NTN1: variants seen among roughly 807,000 people sequenced by gnomAD.
NTN1 encodes netrin-1.
Under a neutral mutation model 54.2 loss-of-function variants are expected in NTN1, and 11 were observed. The ratio of observed to expected loss-of-function variants is 0.20; its 90% confidence interval spans 0.13 to 0.34. NTN1 has a LOEUF of 0.34. Among genes scored for constraint, NTN1 ranks in the 10% least tolerant of loss-of-function variants. NTN1 has a pLI of 1.00. For synonymous variants in NTN1, 371 were observed against 382.0 expected (o/e 0.97, Z 0.33); for missense variants, 740 against 893.1 (o/e 0.83, Z 2.18).
chr17:9,145,345 G>C (rs1453027773), intron 2 of NTN1, among the ~76,000 whole-genome samples: 1 of 152,210 alleles, frequency 6.6e-6, no homozygotes, highest in African/African-American at 2.4e-5. Context: ...AAGACTACCT[G>C]AGGGGAACTA....
chr17:9,088,111 C>T (rs993345638), intron 2 of NTN1, among the ~76,000 whole-genome samples: 3 of 152,206 alleles, frequency 2.0e-5, no homozygotes, highest in African/African-American at 7.2e-5. Context: ...CCCCAGCTCA[C>T]CAAGCTGGCA....
At position 9,186,972 on chromosome 17, in the gene NTN1, G is replaced by A. The variant is rs116341972; in HGVS notation, c.1411+4003G>A. Among the ~76,000 whole-genome samples the A allele has an allele frequency of 1.5e-3, 229 of 152,270 alleles. 1 individual carries two copies. The highest frequency in any genetic ancestry group is 5.3e-3 in the African/African-American group (220 of 41,550). On this transcript the variant is annotated intron_variant, in intron 5 of 6. Coordinates refer to ENST00000173229, the MANE Select transcript of NTN1 (RefSeq NM_004822.3). Reference sequence around the variant, plus strand: ...AAAGGGCACTAAAATGGGCACCTGAGGGCTACTTGATCCCTCTCTCGGATT... The same window carrying A: ...AAAGGGCACTAAAATGGGCACCTGAAGGCTACTTGATCCCTCTCTCGGATT...
chr17:9,197,539 A>G, intron 5 of NTN1, among the ~76,000 whole-genome samples: 1 of 152,000 alleles, frequency 6.6e-6, no homozygotes, highest in East Asian at 1.9e-4. Flanking sequence ...GGGCACCTGT[A>G]GTCCCAGCTA....
At position 9,226,084 on chromosome 17, in the gene NTN1, C is replaced by T. The variant is rs543786987; in HGVS notation, c.1486+4842C>T. Among the ~76,000 whole-genome samples the T allele has an allele frequency of 5.3e-5, 8 of 149,650 alleles. No individual in the cohort carries two copies. The South Asian group carries it at 8.4e-4, about 16-fold the overall frequency. The stretch of plus-strand genomic sequence containing the variant: ...GCGCCGGCCCTGTCCCGTGTTCTCT[C>T]GGGCACACGCTTACAGAGAGCCAGA... On this transcript the variant is annotated intron_variant, in intron 6 of 6. Transcript: ENST00000173229.
intron 2 of NTN1, among the ~76,000 whole-genome samples, chr17:9,035,604 C>T (rs1390903610): frequency 6.6e-6 from 1 of 152,174 alleles, no homozygotes; most frequent in Non-Finnish European, 1.5e-5. Context: ...TTTTTTGAGA[C>T]AAGGTCTCTG....
chr17:9,060,846 C>T (rs978380503), intron 2 of NTN1, among the ~76,000 whole-genome samples: 3 of 151,730 alleles, frequency 2.0e-5, no homozygotes, highest in Non-Finnish European at 2.9e-5. Context: ...CATGGTGGCG[C>T]GTGCCTGTAG....
At chr17:9,149,193 C>T (rs532331955) in intron 2 of NTN1, among the ~76,000 whole-genome samples, 1 of 152,138 alleles carries the variant, frequency 6.6e-6, no homozygotes, top group Admixed American at 6.5e-5. Flanking sequence ...CCTCATATGT[C>T]CATTTCATAA....
chr17:9,058,926 C>T (rs936510596), intron 2 of NTN1, among the ~76,000 whole-genome samples: 3 of 152,236 alleles, frequency 2.0e-5, no homozygotes, highest in Middle Eastern at 3.4e-3. Flanking sequence ...AATCCAGACT[C>T]GGCCACTTCC....
At chr17:9,231,205 C>T (rs926946850) in intron 6 of NTN1, among the ~76,000 whole-genome samples, 1 of 152,180 alleles carries the variant, frequency 6.6e-6, no homozygotes, top group African/African-American at 2.4e-5. Flanking sequence ...CCTGGGTTTC[C>T]TTCCTGAGGC....
intron 2 of NTN1, among the ~76,000 whole-genome samples, chr17:9,077,427 A>G (rs573752447): frequency 6.6e-6 from 1 of 152,210 alleles, no homozygotes; most frequent in East Asian, 1.9e-4. Flanking sequence ...TTGGCTACCA[A>G]TCCAGGCCAT....
chr17:9,193,501 CATT>C (rs1904523335), intron 5 of NTN1, among the ~76,000 whole-genome samples: 1 of 152,212 alleles, frequency 6.6e-6, no homozygotes, highest in African/African-American at 2.4e-5. Context: ...ATCTCAATGT[CATT>C]ATTATACCTC....
chr17:9,129,068 T>C (rs1013675401), intron 2 of NTN1, among the ~76,000 whole-genome samples: 1 of 152,144 alleles, frequency 6.6e-6, no homozygotes, highest in Non-Finnish European at 1.5e-5. Flanking sequence ...GGTAACACTA[T>C]CCAAGGCAGC....
chr17:9,113,595 C>A (rs553091238), intron 2 of NTN1, among the ~76,000 whole-genome samples: 1 of 152,166 alleles, frequency 6.6e-6, no homozygotes, highest in Non-Finnish European at 1.5e-5. Flanking sequence ...CCTCTTATTG[C>A]AGGAAGACAC....
At chr17:9,166,405 A>G (rs189809984) in intron 3 of NTN1, among the ~76,000 whole-genome samples, 1,683 of 141,226 alleles carry the variant, frequency 0.012, 10 homozygotes, top group Middle Eastern at 0.035. Context: ...GCAGTGGTGC[A>G]ATCTCGGCTC....
At chr17:9,103,718 G>T (rs1356427070) in intron 2 of NTN1, among the ~76,000 whole-genome samples, 1 of 152,016 alleles carries the variant, frequency 6.6e-6, no homozygotes, top group Non-Finnish European at 1.5e-5. Context: ...AAAATGGTAG[G>T]AAATTCTCAC....
At chr17:9,007,489 T>C in the NTN1 span, among the ~76,000 whole-genome samples, 1 of 151,372 alleles carries the variant, frequency 6.6e-6, no homozygotes, top group Non-Finnish European at 1.5e-5. Flanking sequence ...ATTCATTCTT[T>C]CTTTCTCTTT....
intron 5 of NTN1, chr17:9,183,177 G>A: frequency 2.9e-6 from 2 of 690,546 alleles, no homozygotes; most frequent in South Asian, 3.2e-5. Flanking sequence ...ATCAAATGGA[G>A]GAGATTTTAA....
chr17:9,132,953 G>T (rs1224242211), intron 2 of NTN1, among the ~76,000 whole-genome samples: 1 of 152,076 alleles, frequency 6.6e-6, no homozygotes, highest in Non-Finnish European at 1.5e-5. Context: ...GCTGAGTGTG[G>T]CCCAGCCTGA....
chr17:9,047,697 C>CTT (rs560386660), intron 2 of NTN1, among the ~76,000 whole-genome samples: 27 of 142,338 alleles, frequency 1.9e-4, no homozygotes, highest in Non-Finnish European at 2.5e-4. Flanking sequence ...CACGAATTTT[C>CTT]TTTTTTTTTT....
Sources: allele counts gnomAD v4.1 joint callset (sites outside exome capture counted in the v4.1 genomes callset), GRCh38; gene constraint gnomAD v4.1.1; transcripts MANE v1.5; gene names NCBI Gene and HGNC (gene_info 2026-07-23, HGNC 2026-07-21).